COL11A1: variants seen among roughly 807,000 people sequenced by gnomAD.
COL11A1 encodes the protein collagen type XI alpha 1 chain.
In COL11A1, 74 loss-of-function variants were observed where a neutral mutation model predicts 265.2. The ratio of observed to expected loss-of-function variants is 0.28; its 90% CI spans 0.23 to 0.34. The LOEUF (loss-of-function observed/expected upper bound fraction) is 0.34, where lower values mean the gene tolerates loss of function less well. COL11A1 is among the 10% of genes least tolerant of loss of function. The pLI is 1.00. For missense variants in COL11A1, 2,165 were observed against 2,263.6 expected (o/e 0.96, Z 0.88); for synonymous variants, 816 against 727.6 (o/e 1.12, Z -1.96).
At chr1:103,043,054 A>AATATATATGATATATATTAAAT (rs1668947500) in intron 4 of COL11A1, among the ~76,000 whole-genome samples, 3 of 136,732 alleles carry the variant, frequency 2.2e-5, no homozygotes, top group Non-Finnish European at 3.1e-5. Flanking sequence ...ATATATATGA[A>AATATATATGATATATATTAAAT]ACATATATAA....
intron 54 of COL11A1, among the ~76,000 whole-genome samples, chr1:102,899,608 A>G (rs1304334674): frequency 6.6e-6 from 1 of 152,200 alleles, no homozygotes; most frequent in Non-Finnish European, 1.5e-5. Context: ...ATTACACTTT[A>G]GATGCCATCC....
At chr1:103,107,137 C>T (rs114792069) in intron 1 of COL11A1, among the ~76,000 whole-genome samples, 5,274 of 152,040 alleles carry the variant, frequency 0.035, 314 homozygotes, top group African/African-American at 0.12. Context: ...AGGGAGAAGG[C>T]GGAGGGGAGG....
chr1:102,987,608 A>G, intron 30 of COL11A1, 25 bp downstream of exon 30: 1 of 1,516,126 alleles, frequency 6.6e-7, no homozygotes, highest in Non-Finnish European at 9.2e-7. Flanking sequence ...CAAGAGTACC[A>G]GTGAATTTAA....
chr1:102,889,205 T>C (rs571728021), intron 59 of COL11A1, among the ~76,000 whole-genome samples: 1 of 152,298 alleles, frequency 6.6e-6, no homozygotes, highest in East Asian at 1.9e-4. Flanking sequence ...TTACAGGTGA[T>C]GGGAATTTAG....
chr1:102,920,815 T>C (rs1655905467), intron 48 of COL11A1, among the ~76,000 whole-genome samples: 1 of 152,166 alleles, frequency 6.6e-6, no homozygotes, highest in African/African-American at 2.4e-5. Context: ...ATTCCTCTCT[T>C]TCTAGTCTAT....
At chr1:102,974,193 A>AACAG (rs1244231052) in intron 36 of COL11A1, among the ~76,000 whole-genome samples, 1 of 148,358 alleles carries the variant, frequency 6.7e-6, no homozygotes, top group Non-Finnish European at 1.5e-5. Context: ...CAAACAAACA[A>AACAG]AAACAAAAAA....
At chr1:103,058,431 T>C (rs527999970) in intron 4 of COL11A1, among the ~76,000 whole-genome samples, 1 of 152,332 alleles carries the variant, frequency 6.6e-6, no homozygotes, top group East Asian at 1.9e-4. Flanking sequence ...GTAGTACTTT[T>C]AATTTCTTTA....
chr1:103,006,118 G>A lies in COL11A1; in HGVS notation c.1741C>T (p.Arg581Cys), dbSNP rs1373294721. Residue 581 changes from arginine (R) to cysteine (C), a missense_variant, in exon 17 of 67, where the codon CGT becomes TGT. Physicochemically the swap from Arg to Cys is radical, Grantham distance 180 (BLOSUM62 -3). Transcript: ENST00000370096. ...CCTCTTCCTCCATCTGCACCTGGAC[G>A]ACCCTAATAATGCCAACAGCATGAT... ...GPTGKPGKRG[R>C]PGADGGRGMP... 6.2e-7 allele frequency: 1 copy of A among 1,613,310 alleles called. No individual in the cohort carries two copies. Among genetic ancestry groups the A allele is most frequent in the Non-Finnish European group, 8.5e-7 (1 of 1,179,718 alleles).
intron 1 of COL11A1, among the ~76,000 whole-genome samples, chr1:103,103,141 CT>C (rs1674417377): frequency 6.6e-6 from 1 of 151,874 alleles, no homozygotes; most frequent in African/African-American, 2.4e-5. Flanking sequence ...ACGTTCTCTC[CT>C]ATTTTTTTCT....
At chr1:103,009,555 T>G (rs1212735791) in intron 14 of COL11A1, among the ~76,000 whole-genome samples, 1 of 152,150 alleles carries the variant, frequency 6.6e-6, no homozygotes, top group Non-Finnish European at 1.5e-5. Flanking sequence ...GCAACACATA[T>G]CCCCAAAAAC....
rs199597559 is a variant in COL11A1, at chr1:102,888,543, T to C, written c.4608+34A>G. On this transcript the variant is annotated intron_variant, in intron 62 of 66. Transcript: ENST00000370096. ...TCATTGGCAGCTTCCAGATGCAAAC[T>C]GTCAGAACATCACTCTTGTTAACAT... 8.0e-5 allele frequency: 127 copies of C among 1,592,608 alleles called. No individual in the cohort carries two copies. The East Asian group carries it at 2.8e-3, about 36-fold the overall frequency.
Position 103,026,323 on chromosome 1 carries a change from C to G in COL11A1, c.790G>C (p.Glu264Gln), listed in dbSNP as rs779259676. The change falls in exon 6 of 67, where the codon GAG becomes CAG. Residue 264 changes from glutamate to glutamine, a missense_variant. Transcript: ENST00000370096. ...QEPQIDEYAP[E>Q]DIIEYDYEYG... Reference sequence around the variant, plus strand: ...TCATAGTCATATTCGATTATATCCTCTGGTGCATACTACATTGCAAAGGAA... The same window carrying G: ...TCATAGTCATATTCGATTATATCCTGTGGTGCATACTACATTGCAAAGGAA... 4 of 1,607,306 alleles carry G rather than the reference C, an allele frequency of 2.5e-6. No individual in the cohort carries two copies. The Admixed American group carries it at 6.7e-5, about 27-fold the overall frequency.
intron 57 of COL11A1, 118 bp from the exon 58 acceptor site, chr1:102,890,622 T>G: frequency 1.5e-6 from 1 of 675,132 alleles, no homozygotes; most frequent in South Asian, 2.3e-5. Flanking sequence ...AAAATAGTAA[T>G]GATTAATGTT....
intron 4 of COL11A1, among the ~76,000 whole-genome samples, chr1:103,038,927 A>G (rs1668594558): frequency 6.6e-6 from 1 of 152,170 alleles, no homozygotes; most frequent in South Asian, 2.1e-4. Flanking sequence ...CGAGAATGAT[A>G]AGGAAATATG....
At chr1:103,030,953 A>AC (rs1289638502) in intron 5 of COL11A1, 163 bp downstream of exon 5, 1 of 862,694 alleles carries the variant, frequency 1.2e-6, no homozygotes, top group African/African-American at 1.7e-5. Context: ...GAAAACAAGT[A>AC]CCAAATATAT....
At chr1:102,909,803 T>A (rs988897573) in intron 54 of COL11A1, among the ~76,000 whole-genome samples, 1 of 152,016 alleles carries the variant, frequency 6.6e-6, no homozygotes, top group Non-Finnish European at 1.5e-5. Flanking sequence ...ATTCCAGAAT[T>A]GAGGGGAGGT....
intron 37 of COL11A1, among the ~76,000 whole-genome samples, chr1:102,967,091 C>T (rs1570894236): frequency 6.6e-6 from 1 of 152,050 alleles, no homozygotes; most frequent in Non-Finnish European, 1.5e-5. Context: ...AGCTTCTTCT[C>T]TCTTATCCTA....
At chr1:102,932,551 A>C (rs1657601484) in intron 46 of COL11A1, among the ~76,000 whole-genome samples, 1 of 152,058 alleles carries the variant, frequency 6.6e-6, no homozygotes, top group Non-Finnish European at 1.5e-5. Context: ...AACTTTGGTG[A>C]ATCTGACAAT....
intron 4 of COL11A1, among the ~76,000 whole-genome samples, chr1:103,053,327 C>A (rs544043623): frequency 2.0e-3 from 299 of 152,190 alleles, no homozygotes; most frequent in African/African-American, 7.0e-3. Flanking sequence ...TCAATAAAGT[C>A]CCAAAATATG....
Sources: allele counts gnomAD v4.1 joint callset (sites outside exome capture counted in the v4.1 genomes callset), GRCh38; gene constraint gnomAD v4.1.1; transcripts MANE v1.5; gene names NCBI Gene and HGNC (gene_info 2026-07-23, HGNC 2026-07-21).